The following DPH6 variants were observed in gnomAD, a reference collection of about 807,000 sequenced individuals.
The protein encoded by DPH6 is diphthine--ammonia ligase.
DPH6 carries 33 observed loss-of-function variants against 38.2 expected under a neutral mutation model. That is an observed-to-expected ratio of 0.86 (90% CI 0.65 to 1.15). The LOEUF is 1.15. Ranked by LOEUF, DPH6 falls within the 50% of genes most tolerant of loss-of-function variation. The pLI is 0.00. For missense variants in DPH6, 325 were observed against 320.0 expected, an observed-to-expected ratio of 1.02 and a Z score of -0.12; for synonymous variants, 108 against 103.0, an observed-to-expected ratio of 1.05 and a Z score of -0.30.
At chr15:35,312,025 AAAAAAAAT>A (rs2052147150) in intron 3 of DPH6, among the ~76,000 whole-genome samples, 2 of 151,678 alleles carry the variant, frequency 1.3e-5, no homozygotes, top group African/African-American at 4.8e-5. Context: ...AAAAAAAAAA[AAAAAAAAT>A]AGAACAGGAA....
In DPH6 at chr15:35,412,552, A is replaced by G. The variant is rs75067598; in HGVS notation, c.506-1656T>C. ...ATGGATATTTATAGCAGTTTTATTC[A>G]TAATTGTCAAAATCTGGAGCACCAA... On this transcript the variant is annotated intron_variant, in intron 5 of 8. Coordinates refer to ENST00000256538, the MANE Select transcript of DPH6 (RefSeq NM_080650.4). Among the ~76,000 whole-genome samples, 643 of 151,892 alleles carry G rather than the reference A, an allele frequency of 4.2e-3. 8 individuals carry two copies. The highest frequency in any genetic ancestry group is 0.015 in the African/African-American group (610 of 41,524).
chr15:35,466,634 T>A (rs1439594224), intron 3 of DPH6, among the ~76,000 whole-genome samples: 1 of 152,192 alleles, frequency 6.6e-6, no homozygotes, highest in Non-Finnish European at 1.5e-5. Context: ...TGGGCATACA[T>A]TCTAAGGAAT....
intron 3 of DPH6, chr15:35,365,772 G>A: frequency 3.0e-6 from 3 of 984,910 alleles, no homozygotes; most frequent in Non-Finnish European, 3.6e-6. Context: ...AATGAGTCAA[G>A]TAGTCCTTTA....
the DPH6 span, among the ~76,000 whole-genome samples, chr15:35,198,137 G>GTT: frequency 1.3e-3 from 190 of 147,024 alleles, 2 homozygotes; most frequent in African/African-American, 4.4e-3. Context: ...TACTCTAGTT[G>GTT]TTTTTTTTTT....
chr15:35,251,159 T>C (rs1403107030), intron 3 of DPH6, among the ~76,000 whole-genome samples: 1 of 152,242 alleles, frequency 6.6e-6, no homozygotes, highest in East Asian at 1.9e-4. Flanking sequence ...AGTCCTGTCC[T>C]TGGTTTCTCC....
intron 3 of DPH6, among the ~76,000 whole-genome samples, chr15:35,278,664 G>A (rs547057434): frequency 6.6e-6 from 1 of 152,312 alleles, no homozygotes; most frequent in South Asian, 2.1e-4. Flanking sequence ...ACCCATCAGA[G>A]CAGCCCTGTG....
chr15:35,257,369 A>G (rs1046547495), intron 3 of DPH6, among the ~76,000 whole-genome samples: 2 of 152,224 alleles, frequency 1.3e-5, no homozygotes, highest in Non-Finnish European at 1.5e-5. Context: ...GGTTAGAGAC[A>G]AAAGGAAGTC....
chr15:35,480,260 T>C (rs1489680549), intron 3 of DPH6, among the ~76,000 whole-genome samples: 1 of 152,130 alleles, frequency 6.6e-6, no homozygotes. Flanking sequence ...AGGTAGATGA[T>C]TATTTGCAGC....
chr15:35,196,141 C>A, the DPH6 span, among the ~76,000 whole-genome samples: 1 of 152,248 alleles, frequency 6.6e-6, no homozygotes, highest in East Asian at 1.9e-4. Flanking sequence ...GCTCTCCAAA[C>A]GCAAACATGA....
intron 6 of DPH6, among the ~76,000 whole-genome samples, chr15:35,390,699 C>G (rs2053042854): frequency 6.6e-6 from 1 of 152,200 alleles, no homozygotes; most frequent in Non-Finnish European, 1.5e-5. Flanking sequence ...CCATCAGGTC[C>G]TTTAAGGACT....
intron 3 of DPH6, among the ~76,000 whole-genome samples, chr15:35,361,556 T>C (rs1332963952): frequency 4.6e-5 from 7 of 151,900 alleles, no homozygotes; most frequent in African/African-American, 1.5e-4. Flanking sequence ...TCTCATACTG[T>C]ATAGATTGGT....
chr15:35,373,715 C>A (rs1176831705), intron 7 of DPH6, 107 bp from the exon 8 acceptor site: 1 of 765,418 alleles, frequency 1.3e-6, no homozygotes, highest in South Asian at 2.1e-5. Context: ...ATATTTATCT[C>A]CATTGGTATA....
chr15:35,481,713 G>A (rs980003560), intron 3 of DPH6, among the ~76,000 whole-genome samples: 1 of 149,728 alleles, frequency 6.7e-6, no homozygotes, highest in Non-Finnish European at 1.5e-5. Context: ...AAGGAGGGAA[G>A]TAAATGGATA....
the DPH6 span, among the ~76,000 whole-genome samples, chr15:35,159,336 T>C: frequency 6.6e-6 from 1 of 152,056 alleles, no homozygotes; most frequent in East Asian, 1.9e-4. Flanking sequence ...ACAGCTATTC[T>C]TTCTCTTGTA....
chr15:35,460,042 G>C (rs529138848), intron 3 of DPH6, among the ~76,000 whole-genome samples: 1 of 152,222 alleles, frequency 6.6e-6, no homozygotes, highest in African/African-American at 2.4e-5. Flanking sequence ...CCACAGCTGT[G>C]CTCTTTCTTA....
At chr15:35,417,834 C>T (rs901383455) in intron 5 of DPH6, among the ~76,000 whole-genome samples, 1 of 151,844 alleles carries the variant, frequency 6.6e-6, no homozygotes, top group Admixed American at 6.6e-5. Flanking sequence ...TTAAATAAAC[C>T]CTAGTATCTA....
chr15:35,169,886 T>C, the DPH6 span, among the ~76,000 whole-genome samples: 2 of 152,180 alleles, frequency 1.3e-5, no homozygotes, highest in African/African-American at 2.4e-5. Context: ...AATGAGCAGG[T>C]AGTTATTCAC....
intron 6 of DPH6, among the ~76,000 whole-genome samples, chr15:35,383,482 G>GA (rs1555397093): frequency 1.3e-5 from 2 of 152,168 alleles, no homozygotes; most frequent in Non-Finnish European, 1.5e-5. Flanking sequence ...ACAAGATAAC[G>GA]AGACAACCTT....
rs71309445 is a variant in DPH6, at chr15:35,491,548, T to TACACACACACAC, written c.313-36740_313-36729dup. ...TCCAGAGAATCAGAACCAATAGGTGTACACACACACACACACACACACACA... is the reference window on the plus strand; with the variant it reads ...TCCAGAGAATCAGAACCAATAGGTGTACACACACACACACACACACACACACACACACACACA... On this transcript the variant is annotated intron_variant, in intron 3 of 8. Transcript: ENST00000256538. 1.6e-3 allele frequency among the ~76,000 whole-genome samples: 225 copies of TACACACACACAC among 137,732 alleles called. 1 individual carries two copies. The highest frequency in any genetic ancestry group is 4.0e-3 in the African/African-American group (151 of 37,370). 90.4% of individuals were successfully genotyped at this position (137,732 alleles called of 152,430 possible).
Sources: allele counts gnomAD v4.1 joint callset (sites outside exome capture counted in the v4.1 genomes callset), GRCh38; gene constraint gnomAD v4.1.1; transcripts MANE v1.5; gene names NCBI Gene and HGNC (gene_info 2026-07-23, HGNC 2026-07-21).